F13A1: variants seen among roughly 807,000 people sequenced by gnomAD.
The protein encoded by F13A1 is coagulation factor XIII A chain, also known as FSF, A subunit.
In F13A1, 47 loss-of-function variants were observed where a neutral mutation model predicts 80.1. That is an observed-to-expected ratio of 0.59 (90% CI 0.46 to 0.75). F13A1 has a LOEUF of 0.75. Among genes scored for constraint, F13A1 ranks in the 30% least tolerant of loss-of-function variants. F13A1 has a pLI of 0.00. For missense variants in F13A1, 817 were observed against 930.4 expected, an observed-to-expected ratio of 0.88 and a Z score of 1.59; for synonymous variants, 349 against 344.9, an observed-to-expected ratio of 1.01 and a Z score of -0.13.
At chr6:6,202,882 G>C (rs1339670402) in intron 8 of F13A1, among the ~76,000 whole-genome samples, 2 of 152,214 alleles carry the variant, frequency 1.3e-5, no homozygotes, top group Non-Finnish European at 2.9e-5. Context: ...CTTCACCAAA[G>C]GCAGTACTTC....
chr6:6,156,488 T>G (rs945969993), intron 13 of F13A1, among the ~76,000 whole-genome samples: 21 of 152,346 alleles, frequency 1.4e-4, no homozygotes, highest in African/African-American at 5.1e-4. Flanking sequence ...AATACATGAT[T>G]TATTAGCACA....
rs1195989968 is a variant in F13A1, at chr6:6,167,580, T to A, written c.1786A>T (p.Met596Leu). The change falls in exon 13 of 15, where the codon ATG becomes TTG. Residue 596 changes from methionine to leucine, a missense_variant. By Grantham distance (15) the Met-to-Leu change is conservative. Coordinates refer to ENST00000264870, the MANE Select transcript of F13A1 (RefSeq NM_000129.4). ...EAVLIQAGEY[M>L]GQLLEQASLH... is the part of the protein sequence containing the mutation. ...GACGCTTGTTCCAGCAGCTGACCCA[T>A]GTACTCGCCGGCTTGGATCAGCACC... is the stretch of plus-strand genomic sequence containing the variant. The A allele has an allele frequency of 1.9e-6, 3 of 1,613,790 alleles. No individual in the cohort carries two copies. In the African/African-American group the frequency reaches 4.0e-5, roughly 22 times the overall value.
rs1413069671 is a variant in F13A1 at position 6,278,362 on chromosome 6, G to A, written c.320-11553C>T. On this transcript the variant is annotated intron_variant, in intron 3 of 14. Coordinates refer to ENST00000264870, the MANE Select transcript of F13A1 (RefSeq NM_000129.4). Reference sequence around the variant, plus strand: ...TGCTATTTTAGAGACAGTGGCCAGAGGAGACATTTGAGAAGAGACTTGAGA... The same window carrying A: ...TGCTATTTTAGAGACAGTGGCCAGAAGAGACATTTGAGAAGAGACTTGAGA... Among the ~76,000 whole-genome samples the A allele has an allele frequency of 2.0e-5, 3 of 152,188 alleles. No homozygotes were observed. The East Asian group carries it at 5.8e-4, about 29-fold the overall frequency.
intron 8 of F13A1, among the ~76,000 whole-genome samples, chr6:6,205,561 T>A (rs1761471673): frequency 6.6e-6 from 1 of 152,230 alleles, no homozygotes; most frequent in Non-Finnish European, 1.5e-5. Context: ...CACTCTCTTC[T>A]TAAGCTTCCA....
At chr6:6,229,488 G>C (rs1757320835) in intron 6 of F13A1, among the ~76,000 whole-genome samples, 1 of 152,186 alleles carries the variant, frequency 6.6e-6, no homozygotes, top group Non-Finnish European at 1.5e-5. Context: ...GAATTATTTA[G>C]AGAGATTCTA....
intron 6 of F13A1, among the ~76,000 whole-genome samples, chr6:6,239,071 T>C (rs926301636): frequency 2.0e-5 from 3 of 152,212 alleles, no homozygotes; most frequent in African/African-American, 7.2e-5. Context: ...AGTAACTGTA[T>C]TCATAATAGC....
chr6:6,193,638 G>A (rs1303381510), intron 10 of F13A1, among the ~76,000 whole-genome samples: 1 of 152,172 alleles, frequency 6.6e-6, no homozygotes, highest in African/African-American at 2.4e-5. Context: ...AAATCCTGAT[G>A]ACATTCATAA....
chr6:6,232,072 C>T (rs1336387922), intron 6 of F13A1, among the ~76,000 whole-genome samples: 1 of 152,090 alleles, frequency 6.6e-6, no homozygotes, highest in African/African-American at 2.4e-5. Context: ...CAACAAAGAG[C>T]ATGATGAATG....
At chr6:6,146,814 C>A (rs1445634407) in intron 14 of F13A1, among the ~76,000 whole-genome samples, 1 of 152,160 alleles carries the variant, frequency 6.6e-6, no homozygotes. Flanking sequence ...AAAGTGTACA[C>A]CATATGTTCT....
At position 6,145,020 on chromosome 6, in the gene F13A1, C is replaced by T. The variant is rs1005868994; in HGVS notation, c.*599G>A. The T allele has an allele frequency of 6.4e-5, 10 of 157,324 alleles. No individual in the cohort carries two copies. The highest frequency in any genetic ancestry group is 1.1e-4 in the Non-Finnish European group (8 of 71,092). 9.7% of individuals were successfully genotyped at this position (157,324 alleles called of 1,614,324 possible). A position where few individuals can be genotyped will look rare whatever the true frequency, so the allele number is the denominator to read the frequency against. ...CAAATGCAATTTGTTAATATGGGGC[C>T]ACCTCTTCTAACAAGGTAAATCTAA... On this transcript the variant is annotated 3_prime_UTR_variant, in exon 15 of 15. Coordinates refer to ENST00000264870, the MANE Select transcript of F13A1 (RefSeq NM_000129.4).
Position 6,144,464 on chromosome 6 carries a change from C to T in F13A1, c.*1155G>A, listed in dbSNP as rs1760240848. ...GAGGGAAATTCTGACCATAAATCAG[C>T]CTTGCAAATACATAGCAGGCAGCCT... is the stretch of plus-strand genomic sequence containing the variant. On this transcript the variant is annotated 3_prime_UTR_variant, in exon 15 of 15. Coordinates refer to ENST00000264870, the MANE Select transcript of F13A1 (RefSeq NM_000129.4). The T allele has an allele frequency of 6.6e-6, 1 of 152,202 alleles. No individual in the cohort carries two copies. The highest frequency in any genetic ancestry group is 6.5e-5 in the Admixed American group (1 of 15,278). 9.4% of individuals were successfully genotyped at this position (152,202 alleles called of 1,614,324 possible).
At chr6:6,259,372 A>G (rs1445614538) in intron 4 of F13A1, among the ~76,000 whole-genome samples, 1 of 152,232 alleles carries the variant, frequency 6.6e-6, no homozygotes, top group Admixed American at 6.5e-5. Context: ...ATTTAATGAT[A>G]AAATACAAGC....
chr6:6,144,987 G>T lies in F13A1; in HGVS notation c.*632C>A. The T allele has an allele frequency of 6.3e-6, 1 of 158,084 alleles. No homozygotes were observed. Among genetic ancestry groups the T allele is most frequent in the Non-Finnish European group, 1.4e-5 (1 of 71,394 alleles). 9.8% of individuals were successfully genotyped at this position (158,084 alleles called of 1,614,324 possible). A position where few individuals can be genotyped will look rare whatever the true frequency, so the allele number is the denominator to read the frequency against. On this transcript the variant is annotated 3_prime_UTR_variant, in exon 15 of 15. Coordinates refer to ENST00000264870, the MANE Select transcript of F13A1 (RefSeq NM_000129.4). ...TTCTTATCTCCTTGTAGGTGGTTAA[G>T]TTTCCCACAAATGCAATTTGTTAAT...
intron 4 of F13A1, among the ~76,000 whole-genome samples, chr6:6,262,325 C>G (rs1368871357): frequency 3.3e-5 from 5 of 152,278 alleles, no homozygotes; most frequent in Non-Finnish European, 5.9e-5. Flanking sequence ...CCATCCCAAA[C>G]TGCAGTTAAG....
At chr6:6,272,957 T>C (rs944240362) in intron 3 of F13A1, among the ~76,000 whole-genome samples, 1 of 152,194 alleles carries the variant, frequency 6.6e-6, no homozygotes, top group African/African-American at 2.4e-5. Flanking sequence ...AAGACTCCTA[T>C]GTAAGAAAAG....
intron 3 of F13A1, among the ~76,000 whole-genome samples, chr6:6,287,546 G>A (rs898287261): frequency 2.6e-5 from 4 of 151,998 alleles, no homozygotes; most frequent in African/African-American, 9.7e-5. Flanking sequence ...TGTTCTGAGT[G>A]TTCTCATTCC....
At chr6:6,204,373 A>G (rs1294089587) in intron 8 of F13A1, among the ~76,000 whole-genome samples, 1 of 152,242 alleles carries the variant, frequency 6.6e-6, no homozygotes, top group Non-Finnish European at 1.5e-5. Context: ...TCTTGGACCA[A>G]CTTCAACTGT....
At chr6:6,171,386 C>A (rs1760769871) in intron 12 of F13A1, among the ~76,000 whole-genome samples, 1 of 152,246 alleles carries the variant, frequency 6.6e-6, no homozygotes, top group South Asian at 2.1e-4. Flanking sequence ...TACTAAGATT[C>A]TACCATGTGG....
At chr6:6,281,269 TA>T in intron 3 of F13A1, among the ~76,000 whole-genome samples, 1 of 152,346 alleles carries the variant, frequency 6.6e-6, no homozygotes, top group Non-Finnish European at 1.5e-5. Context: ...ACTCATTGCA[TA>T]AAATTGGGAG....
Sources: allele counts gnomAD v4.1 joint callset (sites outside exome capture counted in the v4.1 genomes callset), GRCh38; gene constraint gnomAD v4.1.1; transcripts MANE v1.5; gene names NCBI Gene and HGNC (gene_info 2026-07-23, HGNC 2026-07-21).